Variants in DNHD1 observed in about 807,000 individuals in gnomAD.
DNHD1 encodes the protein dynein heavy chain domain-containing protein 1.
A neutral mutation model predicts 458.1 loss-of-function variants in DNHD1; 383 were observed. The observed-to-expected ratio is 0.84, with a 90% CI of 0.77 to 0.91. The LOEUF (loss-of-function observed/expected upper bound fraction) is 0.91, where lower values mean the gene tolerates loss of function less well. Ranked by LOEUF, DNHD1 falls within the 40% of genes least tolerant of loss-of-function variation. The pLI is 0.00. For synonymous variants in DNHD1, 2,203 were observed against 2,376.9 expected, an observed-to-expected ratio of 0.93 and a Z score of 2.13; for missense variants, 5,336 against 5,866.1, an observed-to-expected ratio of 0.91 and a Z score of 2.95.
intron 18 of DNHD1, among the ~76,000 whole-genome samples, chr11:6,543,488 T>A (rs1217407199): frequency 6.7e-6 from 1 of 148,984 alleles, no homozygotes; most frequent in African/African-American, 2.5e-5. Flanking sequence ...GGCTAGAGGC[T>A]CTAGTTCTTA....
At chr11:6,555,096 C>G (rs927939820) in intron 24 of DNHD1, among the ~76,000 whole-genome samples, 1 of 152,220 alleles carries the variant, frequency 6.6e-6, no homozygotes, top group Non-Finnish European at 1.5e-5. Flanking sequence ...CCTTTAAAAA[C>G]AGGCCATTCA....
At position 6,563,769 on chromosome 11, in the gene DNHD1, G is replaced by C; in HGVS notation, c.9929G>C (p.Gly3310Ala). The C allele has an allele frequency of 1.9e-6, 3 of 1,551,602 alleles. No homozygotes were observed. The highest frequency in any genetic ancestry group is 2.6e-6 in the Non-Finnish European group (3 of 1,146,994). ...IKLHLILKAP[G>A]MDDAALRAVS... is the part of the protein sequence containing the mutation. ...TTACATCTAATTCTGAAGGCTCCAG[G>C]TATGGACGATGCAGCCCTGCGGGCA... The change falls in exon 31 of 43, where the codon GGT becomes GCT. Residue 3310 changes from glycine to alanine, a missense_variant. Coordinates refer to ENST00000254579, the MANE Select transcript of DNHD1 (RefSeq NM_144666.3).
At chr11:6,551,741 G>C (rs986983271) in intron 24 of DNHD1, among the ~76,000 whole-genome samples, 4 of 152,248 alleles carry the variant, frequency 2.6e-5, no homozygotes, top group Admixed American at 6.5e-5. Context: ...AGGAGATGGA[G>C]ACCATCCTGG....
Position 6,571,862 on chromosome 11 carries a change from G to A in DNHD1, c.14138G>A (p.Gly4713Glu), listed in dbSNP as rs778734260. The A allele has an allele frequency of 5.0e-6, 8 of 1,613,854 alleles. No individual in the cohort carries two copies. Among genetic ancestry groups the A allele is most frequent in the Non-Finnish European group, 6.8e-6 (8 of 1,179,900 alleles). The change falls in exon 43 of 43, where the codon GGG becomes GAG. Residue 4713 changes from glycine to glutamate, a missense_variant. Transcript: ENST00000254579. This position sits in a 1 kb window ranked among gnomAD's most constrained non-coding sequence, Gnocchi z 5.0. The part of the protein sequence containing the change: ...TVYSCPVYMG[G>E]PLGTAKLQSR... ...TACTCGTGTCCTGTGTACATGGGAGGGCCCCTTGGCACCGCTAAGCTGCAG... is the reference window on the plus strand; with the variant it reads ...TACTCGTGTCCTGTGTACATGGGAGAGCCCCTTGGCACCGCTAAGCTGCAG...
At chr11:6,537,482 A>AG in intron 14 of DNHD1, among the ~76,000 whole-genome samples, 1 of 152,312 alleles carries the variant, frequency 6.6e-6, no homozygotes, top group Non-Finnish European at 1.5e-5. Flanking sequence ...TGGGAGAGAA[A>AG]GACAATAAAC....
In DNHD1 at chr11:6,566,993, G is replaced by A. The variant is rs756031562; in HGVS notation, c.11484G>A (p.Gln3828=). 2.5e-6 allele frequency: 4 copies of A among 1,614,070 alleles called. No individual in the cohort carries two copies. The South Asian group carries it at 4.4e-5, about 18-fold the overall frequency. ...TGAGGGCCCAAGGAAAGCTATGCCA[G>A]CTGCGTGCTCATTGTGAAGAGTTAG... The part of the protein sequence containing the change: ...NIVRAQGKLC[Q]LRAHCEELEG... Residue 3828 remains glutamine (Q), a synonymous_variant, in exon 36 of 43, where the codon CAG becomes CAA. Transcript: ENST00000254579.
rs752974315 is a variant in DNHD1, at chr11:6,571,465, G to A, written c.13911+42G>A. ...CCTCGTTCGCGGTTCCAGTCCCCTC[G>A]AAGTCTCTAATTACACCTCGCAGTT... On this transcript the variant is annotated intron_variant, in intron 42 of 42. Coordinates refer to ENST00000254579, the MANE Select transcript of DNHD1 (RefSeq NM_144666.3). This position sits in a 1 kb window ranked among gnomAD's most constrained non-coding sequence, Gnocchi z 5.0. 8 of 1,515,922 alleles carry A rather than the reference G, an allele frequency of 5.3e-6. No individual in the cohort carries two copies. In the South Asian group the frequency reaches 7.8e-5, roughly 15 times the overall value. 93.9% of individuals were successfully genotyped at this position (1,515,922 alleles called of 1,614,324 possible).
In DNHD1 at chr11:6,558,159, A is replaced by G. The variant is rs1564820744; in HGVS notation, c.8864A>G (p.His2955Arg). 8 of 1,526,950 alleles carry G rather than the reference A, an allele frequency of 5.2e-6. No individual in the cohort carries two copies. Among genetic ancestry groups the G allele is most frequent in the Non-Finnish European group, 7.0e-6 (8 of 1,135,712 alleles). The allele number at this position is 1,526,950 out of a possible 1,614,324, so 94.6% of individuals were successfully genotyped here. ...VPSGVDLTTL[H>R]RLLALATSGS... is the part of the protein sequence containing the mutation. ...AGTGGTGTGGATCTCACTACACTTC[A>G]TCGCCTCCTGGCCCTGGCAACCTCA... The change falls in exon 25 of 43, where the codon CAT becomes CGT. Residue 2955 changes from histidine to arginine, a missense_variant. This residue lies in a region of DNHD1 where 3,932 missense variants were observed against 4,365.6 expected (regional missense o/e 0.90). Coordinates refer to ENST00000254579, the MANE Select transcript of DNHD1 (RefSeq NM_144666.3).
At position 6,545,436 on chromosome 11, in the gene DNHD1, G is replaced by T. The variant is rs1475337925; in HGVS notation, c.4497G>T (p.Trp1499Cys). The change falls in exon 21 of 43, where the codon TGG (tryptophan) becomes TGT (cysteine). Residue 1499 changes from tryptophan (W) to cysteine (C), a missense_variant. Trp to Cys is a radical substitution (Grantham distance 215). This residue lies in a region of DNHD1 where 3,932 missense variants were observed against 4,365.6 expected (regional missense o/e 0.90). Coordinates refer to ENST00000254579, the MANE Select transcript of DNHD1 (RefSeq NM_144666.3). The surrounding 1 kb of genome is among the most constrained non-coding windows in gnomAD (Gnocchi z 4.9). ...ACCTGCAACTGTATGTCCAGCACTG[G>T]ATCGACTTAGTCCAGGCCTTCCCAT... ...KLYLQLYVQHWIDLVQAFPWQ... is the reference protein window; with the variant it reads ...KLYLQLYVQHCIDLVQAFPWQ... The T allele has an allele frequency of 6.4e-7, 1 of 1,551,868 alleles. No homozygotes were observed. Among genetic ancestry groups the T allele is most frequent in the South Asian group, 1.2e-5 (1 of 84,062 alleles).
At chr11:6,520,711 G>T in intron 10 of DNHD1, 1 of 1,015,632 alleles carries the variant, frequency 9.8e-7, no homozygotes, top group Non-Finnish European at 1.2e-6. Flanking sequence ...ATTTCATATG[G>T]ATTAATTCAT....
At position 6,568,811 on chromosome 11, in the gene DNHD1, C is replaced by T. The variant is rs1475358551; in HGVS notation, c.12808C>T (p.Leu4270Phe). 1 of 1,613,276 alleles carries T rather than the reference C, an allele frequency of 6.2e-7. No homozygotes were observed. The highest frequency in any genetic ancestry group is 1.3e-5 in the African/African-American group (1 of 74,902). The change falls in exon 39 of 43, where the codon CTC (leucine) becomes TTC (phenylalanine). Residue 4270 changes from leucine to phenylalanine, a missense_variant. Leu to Phe is a conservative substitution (Grantham distance 22). Around this residue, in one of 4 missense-constraint regions of DNHD1, gnomAD observed 698 missense variants for 664.9 expected, o/e 1.05. Coordinates refer to ENST00000254579, the MANE Select transcript of DNHD1 (RefSeq NM_144666.3). ...ACTACCTCTGCTCCTCCTCCATGGC[C>T]TCCTGCTACACCGGCAGCTCTATGG... ...QALPLLLLHG[L>F]LLHRQLYGTR...
chr11:6,546,893 C>T lies in DNHD1; in HGVS notation c.5954C>T (p.Ala1985Val), dbSNP rs1187940393. The change falls in exon 21 of 43, where the codon GCC becomes GTC. Residue 1985 changes from alanine (A) to valine (V), a missense_variant. Physicochemically the swap from Ala to Val is moderately conservative, Grantham distance 64. Transcript: ENST00000254579. The stretch of plus-strand genomic sequence containing the variant: ...CAGTTGAGCCAGGCCCTGAGCCGGG[C>T]CTCAGGCATTCTGCTCCTGGGCCCT... Reference protein sequence around the residue: ...LEQLSQALSRASGILLLGPAG... With the variant: ...LEQLSQALSRVSGILLLGPAG... 6.4e-7 allele frequency: 1 copy of T among 1,551,720 alleles called. No individual in the cohort carries two copies. The highest frequency in any genetic ancestry group is 2.4e-5 in the East Asian group (1 of 40,916).
rs746191192 is a variant in DNHD1 at position 6,559,098 on chromosome 11, G to A, written c.9408G>A (p.Lys3136=). The change falls in exon 27 of 43, where the codon AAG becomes AAA. Residue 3136 remains lysine, a synonymous_variant. Coordinates refer to ENST00000254579, the MANE Select transcript of DNHD1 (RefSeq NM_144666.3). ...AGACAATCCTGAAGATTAAGAACAA[G>A]GCCCAGCGGTGAGTGTCCCGTCCCC... ...QQQTILKIKN[K]AQRVQNALEN... The A allele has an allele frequency of 7.7e-6, 12 of 1,551,630 alleles. No individual in the cohort carries two copies. In the South Asian group the frequency reaches 1.4e-4, roughly 18 times the overall value.
At position 6,557,837 on chromosome 11, in the gene DNHD1, C is replaced by A; in HGVS notation, c.8542C>A (p.Gln2848Lys). 6.4e-7 allele frequency: 1 copy of A among 1,551,194 alleles called. No homozygotes were observed. Residue 2848 changes from glutamine (Q) to lysine (K), a missense_variant, in exon 25 of 43, where the codon CAG becomes AAG. Physicochemically the swap from Gln to Lys is moderately conservative, Grantham distance 53. Transcript: ENST00000254579. ...LERQWEKLEE[Q>K]LATSAAQLKL... is the part of the protein sequence containing the mutation. Reference sequence around the variant, plus strand: ...ACGACAGTGGGAGAAGCTAGAGGAGCAGTTGGCCACCTCAGCTGCTCAACT... The same window carrying A: ...ACGACAGTGGGAGAAGCTAGAGGAGAAGTTGGCCACCTCAGCTGCTCAACT...
chr11:6,552,717 A>T (rs1321352533), intron 24 of DNHD1, among the ~76,000 whole-genome samples: 1 of 152,000 alleles, frequency 6.6e-6, no homozygotes, highest in South Asian at 2.1e-4. Flanking sequence ...TATCATGAGA[A>T]CAGCATGGGG....
In DNHD1 at chr11:6,498,775, C is replaced by T; in HGVS notation, c.560C>T (p.Pro187Leu). 1.5e-5 allele frequency: 24 copies of T among 1,614,216 alleles called. No homozygotes were observed. Among genetic ancestry groups the T allele is most frequent in the Non-Finnish European group, 1.9e-5 (23 of 1,180,028 alleles). The change falls in exon 3 of 43, where the codon CCA becomes CTA. Residue 187 changes from proline (P) to leucine (L), a missense_variant. By Grantham distance (98) the Pro-to-Leu change is moderately conservative. Transcript: ENST00000254579. ...VKEELATWLRPLTLPELQRCL... is the reference protein window; with the variant it reads ...VKEELATWLRLLTLPELQRCL... ...GAGGAGCTGGCCACCTGGCTGCGAC[C>T]ATTGACACTGCCTGAGCTACAGCGC...
chr11:6,519,068 G>A (rs1017624089), intron 7 of DNHD1, among the ~76,000 whole-genome samples: 1 of 152,118 alleles, frequency 6.6e-6, no homozygotes, highest in Non-Finnish European at 1.5e-5. Context: ...TCCCAGATCT[G>A]AAAGAACTCA....
rs1201062183 is a variant in DNHD1 at position 6,545,888 on chromosome 11, A to C, written c.4949A>C (p.Asn1650Thr). The change falls in exon 21 of 43, where the codon AAT becomes ACT. Residue 1650 changes from asparagine (N) to threonine (T), a missense_variant. Around this residue, in one of 4 missense-constraint regions of DNHD1, gnomAD observed 3,932 missense variants for 4,365.6 expected, o/e 0.90. Coordinates refer to ENST00000254579, the MANE Select transcript of DNHD1 (RefSeq NM_144666.3). This position sits in a 1 kb window ranked among gnomAD's most constrained non-coding sequence, Gnocchi z 4.9. ...IDVLGRSFLY[N>T]YEYLGPRLGP... ...GTGCTAGGCAGGTCCTTCCTGTACA[A>C]TTACGAGTATCTGGGACCTAGACTA... The C allele has an allele frequency of 6.4e-7, 1 of 1,551,814 alleles. No individual in the cohort carries two copies. Among genetic ancestry groups the C allele is most frequent in the Admixed American group, 2.0e-5 (1 of 51,016 alleles).
chr11:6,502,047 T>A (rs1397461764), intron 3 of DNHD1, among the ~76,000 whole-genome samples: 1 of 151,942 alleles, frequency 6.6e-6, no homozygotes, highest in East Asian at 1.9e-4. Context: ...CATTCCAGAG[T>A]TTTTTTTGTG....
Sources: allele counts gnomAD v4.1 joint callset (sites outside exome capture counted in the v4.1 genomes callset), GRCh38; gene constraint gnomAD v4.1.1; regional missense constraint gnomAD v4.1.1; non-coding constraint Gnocchi (gnomAD v3.1); transcripts MANE v1.5; gene names NCBI Gene and HGNC (gene_info 2026-07-23, HGNC 2026-07-21).